Variants in STXBP5L observed in about 807,000 individuals in gnomAD.
STXBP5L encodes the protein syntaxin binding protein 5L, also known as syntaxin-binding protein 5-like.
Under a neutral mutation model 144.5 loss-of-function variants are expected in STXBP5L, and 65 were observed. The observed-to-expected ratio is 0.45, with a 90% CI of 0.37 to 0.55. The LOEUF is 0.55. Ranked by LOEUF, STXBP5L falls within the 20% of genes least tolerant of loss-of-function variation. STXBP5L has a pLI of 0.00. For synonymous variants in STXBP5L, 505 were observed against 469.6 expected (o/e 1.08, Z -0.97); for missense variants, 1,298 against 1,405.5 (o/e 0.92, Z 1.22).
At chr3:121,398,905 A>T (rs1197539467) in intron 22 of STXBP5L, among the ~76,000 whole-genome samples, 1 of 152,140 alleles carries the variant, frequency 6.6e-6, no homozygotes, top group East Asian at 1.9e-4. Context: ...AGCTTGCTGA[A>T]TTCCTACCTG....
chr3:121,095,786 C>G (rs1036194490), intron 5 of STXBP5L, among the ~76,000 whole-genome samples: 1 of 152,170 alleles, frequency 6.6e-6, no homozygotes, highest in Non-Finnish European at 1.5e-5. Context: ...TCTCTCAACT[C>G]GTCAAAGTCA....
At chr3:121,336,389 C>T (rs907695836) in intron 20 of STXBP5L, among the ~76,000 whole-genome samples, 2 of 152,002 alleles carry the variant, frequency 1.3e-5, no homozygotes, top group Non-Finnish European at 2.9e-5. Flanking sequence ...CCTAGCTACT[C>T]AGGAGGCTGA....
At chr3:121,334,994 C>G (rs111467200) in intron 20 of STXBP5L, among the ~76,000 whole-genome samples, 2,935 of 152,184 alleles carry the variant, frequency 0.019, 88 homozygotes, top group African/African-American at 0.066. Context: ...AGCATTCAAA[C>G]AAGAAGAGAG....
intron 3 of STXBP5L, among the ~76,000 whole-genome samples, chr3:120,988,206 T>C (rs1942490751): frequency 6.6e-6 from 1 of 151,770 alleles, no homozygotes; most frequent in South Asian, 2.1e-4. Context: ...CTTAGATTAT[T>C]GGTACTCTGA....
intron 7 of STXBP5L, among the ~76,000 whole-genome samples, chr3:121,150,749 T>G (rs189498604): frequency 5.4e-4 from 82 of 152,244 alleles, no homozygotes; most frequent in Non-Finnish European, 9.7e-4. Context: ...CTAATGAATC[T>G]CCTTGCCAAT....
intron 3 of STXBP5L, among the ~76,000 whole-genome samples, chr3:121,002,974 G>T (rs1420303339): frequency 6.6e-6 from 1 of 152,140 alleles, no homozygotes. Context: ...ATTTGGCTTG[G>T]TTCCAAGTCC....
Position 121,381,444 on chromosome 3 carries a change from C to T in STXBP5L, c.2499C>T (p.Thr833=), listed in dbSNP as rs371256988. The stretch of plus-strand genomic sequence containing the variant: ...TCTCTCCTTGTCTGTTCGTTGGAAC[C>T]AGTCTGGGAATGGTGTTAATCATCT... ...STISPCLFVG[T]SLGMVLIISL... Residue 833 remains threonine, a synonymous_variant, in exon 22 of 27, where the codon ACC becomes ACT. Transcript: ENST00000471454. 7.0e-5 allele frequency: 112 copies of T among 1,603,130 alleles called. No homozygotes were observed. Among genetic ancestry groups the T allele is most frequent in the Non-Finnish European group, 8.9e-5 (105 of 1,177,162 alleles).
At chr3:121,245,339 T>A (rs2049811548) in intron 14 of STXBP5L, among the ~76,000 whole-genome samples, 1 of 141,702 alleles carries the variant, frequency 7.1e-6, no homozygotes, top group Non-Finnish European at 1.5e-5. Flanking sequence ...GGAATAGAAG[T>A]ATGTCACTAA....
intron 3 of STXBP5L, among the ~76,000 whole-genome samples, chr3:121,008,752 A>G (rs1384314009): frequency 2.0e-5 from 3 of 151,970 alleles, no homozygotes; most frequent in South Asian, 2.1e-4. Flanking sequence ...TTCATTGTCA[A>G]CTGGGTCCTT....
chr3:121,144,957 A>G (rs895018865), intron 7 of STXBP5L, among the ~76,000 whole-genome samples: 2 of 151,960 alleles, frequency 1.3e-5, no homozygotes, highest in Admixed American at 6.6e-5. Context: ...TAAAATAGTC[A>G]TATATATAGA....
intron 5 of STXBP5L, among the ~76,000 whole-genome samples, chr3:121,096,196 G>T (rs773612344): frequency 6.6e-6 from 1 of 152,170 alleles, no homozygotes; most frequent in Non-Finnish European, 1.5e-5. Flanking sequence ...CATCACTCAT[G>T]CTGGGAGTTG....
chr3:121,144,839 A>C (rs1472794308), intron 7 of STXBP5L, among the ~76,000 whole-genome samples: 1 of 151,948 alleles, frequency 6.6e-6, no homozygotes, highest in Non-Finnish European at 1.5e-5. Context: ...TAAATAAGGA[A>C]ATTTTACAGT....
intron 20 of STXBP5L, among the ~76,000 whole-genome samples, chr3:121,376,032 CA>C (rs1210433797): frequency 6.6e-6 from 1 of 152,172 alleles, no homozygotes; most frequent in Admixed American, 6.5e-5. Flanking sequence ...TCTAAATAAA[CA>C]GTACTCTTAT....
intron 2 of STXBP5L, among the ~76,000 whole-genome samples, chr3:120,940,577 G>GA: frequency 6.6e-6 from 1 of 150,760 alleles, no homozygotes; most frequent in East Asian, 1.9e-4. Context: ...AGAGTAGAGA[G>GA]AAAATATATA....
chr3:121,322,253 C>T (rs556173298), intron 20 of STXBP5L, among the ~76,000 whole-genome samples: 66 of 152,156 alleles, frequency 4.3e-4, no homozygotes, highest in Admixed American at 5.2e-4. Flanking sequence ...CCGAGATGGG[C>T]GGATCACCTG....
At chr3:121,086,749 T>G (rs1033787027) in intron 5 of STXBP5L, among the ~76,000 whole-genome samples, 6 of 152,018 alleles carry the variant, frequency 3.9e-5, no homozygotes, top group Non-Finnish European at 8.8e-5. Context: ...GCTTAAAAAG[T>G]TTTGGATTTT....
At chr3:121,190,831 CCAG>C (rs2047639630) in intron 9 of STXBP5L, among the ~76,000 whole-genome samples, 1 of 150,912 alleles carries the variant, frequency 6.6e-6, no homozygotes, top group Non-Finnish European at 1.5e-5. Flanking sequence ...GACGGGGCGG[CCAG>C]TCAGAGATGC....
chr3:120,925,376 C>G (rs1015930933), intron 2 of STXBP5L, among the ~76,000 whole-genome samples: 10 of 152,120 alleles, frequency 6.6e-5, no homozygotes, highest in African/African-American at 2.4e-4. Flanking sequence ...ATCATTATAT[C>G]CTCTTGCTGA....
chr3:121,311,211 A>G (rs1035579274), intron 19 of STXBP5L, among the ~76,000 whole-genome samples: 2 of 152,194 alleles, frequency 1.3e-5, no homozygotes, highest in Non-Finnish European at 2.9e-5. Context: ...TTAAGAGACT[A>G]TTACCTAGTG....
Sources: gnomAD v4.1 joint callset for allele counts (sites outside exome capture counted in the v4.1 genomes callset) on GRCh38, gnomAD v4.1.1 for gene constraint, MANE v1.5 for transcripts, NCBI Gene and HGNC (gene_info 2026-07-23, HGNC 2026-07-21) for gene names.